PIK3C2B: variants seen among roughly 807,000 people sequenced by gnomAD.
The protein encoded by PIK3C2B is phosphatidylinositol 4-phosphate 3-kinase C2 domain-containing subunit beta.
Under a neutral mutation model 184.3 loss-of-function variants are expected in PIK3C2B, and 83 were observed. The ratio of observed to expected loss-of-function variants is 0.45; its 90% CI spans 0.38 to 0.54. The LOEUF is 0.54. Among genes scored for constraint, PIK3C2B ranks in the 20% least tolerant of loss-of-function variants. PIK3C2B has a pLI of 0.00. For missense variants in PIK3C2B, 1,736 were observed against 2,113.5 expected, an observed-to-expected ratio of 0.82 and a Z score of 3.50; for synonymous variants, 779 against 837.6, an observed-to-expected ratio of 0.93 and a Z score of 1.21.
intron 1 of PIK3C2B, among the ~76,000 whole-genome samples, chr1:204,488,413 CCTAT>C (rs1354626020): frequency 1.3e-5 from 2 of 152,170 alleles, no homozygotes; most frequent in African/African-American, 4.8e-5. Flanking sequence ...CAAGTAATTC[CCTAT>C]CTATCAGTAT....
At chr1:204,432,124 T>G in intron 27 of PIK3C2B, 76 bp downstream of exon 27, 1 of 1,330,328 alleles carries the variant, frequency 7.5e-7, no homozygotes, top group Non-Finnish European at 1.1e-6. Context: ...TGTGCAAGTG[T>G]GGAAAAAGTC....
rs773156945 is a variant in PIK3C2B, at chr1:204,465,311, G to A, written c.942C>T (p.Ser314=). The A allele has an allele frequency of 4.5e-5, 73 of 1,610,122 alleles. No homozygotes were observed. The highest frequency in any genetic ancestry group is 6.0e-5 in the Non-Finnish European group (71 of 1,176,500). The change falls in exon 3 of 33, where the codon TCC becomes TCT. Residue 314 remains serine (S), a synonymous_variant. Coordinates refer to ENST00000684373, the MANE Select transcript of PIK3C2B (RefSeq NM_001377334.1). The part of the protein sequence containing the change: ...NRRISAAPVG[S]RPHTVANGHE... ...GGCCATTGGCAACAGTGTGGGGCCGGGAGCCCACCTTTAAGAGAAGAGCAG... is the reference window on the plus strand; with the variant it reads ...GGCCATTGGCAACAGTGTGGGGCCGAGAGCCCACCTTTAAGAGAAGAGCAG...
Position 204,447,270 on chromosome 1 carries a change from T to C in PIK3C2B, c.2489+166A>G, listed in dbSNP as rs964569838. On this transcript the variant is annotated intron_variant, in intron 15 of 32. Coordinates refer to ENST00000684373, the MANE Select transcript of PIK3C2B (RefSeq NM_001377334.1). This position sits in a 1 kb window ranked among gnomAD's most constrained non-coding sequence, Gnocchi z 4.1. ...ATTTCCTGACCTTGACCTCTCCACT[T>C]TTCCTAGTGTCAGCTGATGGAGAAA... Among the ~76,000 whole-genome samples, 2 of 152,230 alleles carry C rather than the reference T, an allele frequency of 1.3e-5. No individual in the cohort carries two copies. Among genetic ancestry groups the C allele is most frequent in the East Asian group, 3.9e-4 (2 of 5,174 alleles).
chr1:204,455,293 C>T (rs990354713), intron 11 of PIK3C2B, among the ~76,000 whole-genome samples: 3 of 137,920 alleles, frequency 2.2e-5, no homozygotes, highest in Admixed American at 7.5e-5. Context: ...CAGAGGAATA[C>T]ATTAAGTAAG....
chr1:204,467,512 A>G (rs2999482), intron 2 of PIK3C2B, among the ~76,000 whole-genome samples: 141,512 of 152,190 alleles, frequency 0.93, 66,167 homozygotes, highest in Non-Finnish European at 0.99. Flanking sequence ...AAACCAGGAC[A>G]GAATGAAGTA....
intron 31 of PIK3C2B, among the ~76,000 whole-genome samples, chr1:204,427,047 A>T (rs1022274575): frequency 2.6e-5 from 4 of 152,104 alleles, no homozygotes; most frequent in Middle Eastern, 3.2e-3. Flanking sequence ...TGAGGCAGGA[A>T]AATCGCTTGA....
At chr1:204,468,810 G>A (rs1024160519) in intron 2 of PIK3C2B, 60 bp downstream of exon 2, 13 of 1,404,170 alleles carry the variant, frequency 9.3e-6, no homozygotes, top group Non-Finnish European at 1.3e-5. Flanking sequence ...GCAGAGACTA[G>A]TCCCTGTTTC....
At chr1:204,491,231 T>C (rs959387231) in intron 1 of PIK3C2B, among the ~76,000 whole-genome samples, 7 of 151,264 alleles carry the variant, frequency 4.6e-5, no homozygotes, top group African/African-American at 1.5e-4. Flanking sequence ...CTACTAAAAA[T>C]ACAAAAAATT....
chr1:204,466,617 G>GGA (rs965111109), intron 2 of PIK3C2B, among the ~76,000 whole-genome samples: 3 of 152,070 alleles, frequency 2.0e-5, no homozygotes, highest in African/African-American at 7.2e-5. Context: ...ACAAGAGAAA[G>GGA]GAGAGAGAGA....
chr1:204,457,601 A>G lies in PIK3C2B; in HGVS notation c.1713+127T>C, dbSNP rs1654978334. ...CTTGCGGTTGAATTCCTTAAACATA[A>G]AAGATGGAGGTGGAGAGAAGCCCCT... is the stretch of plus-strand genomic sequence containing the variant. On this transcript the variant is annotated intron_variant, in intron 9 of 32. Transcript: ENST00000684373. 4.7e-6 allele frequency: 4 copies of G among 859,412 alleles called. No individual in the cohort carries two copies. In the South Asian group the frequency reaches 6.5e-5, roughly 14 times the overall value. 53.2% of individuals were successfully genotyped at this position (859,412 alleles called of 1,614,324 possible). A position where few individuals can be genotyped will look rare whatever the true frequency, so the allele number is the denominator to read the frequency against.
Position 204,437,197 on chromosome 1 carries a change from T to TA in PIK3C2B, c.3516+1737dup, listed in dbSNP as rs555162359. 3.5e-3 allele frequency among the ~76,000 whole-genome samples: 510 copies of TA among 144,708 alleles called. 6 individuals carry two copies. The highest frequency in any genetic ancestry group is 0.011 in the African/African-American group (441 of 39,512). 94.9% of individuals were successfully genotyped at this position (144,708 alleles called of 152,430 possible). On this transcript the variant is annotated intron_variant, in intron 23 of 32. Transcript: ENST00000684373. ...AGGCTTTGAAGAACTTATCCACACT[T>TA]AAAAAAAAAAACAACAGCTGGGCAC...
intron 19 of PIK3C2B, among the ~76,000 whole-genome samples, 187 bp downstream of exon 19, chr1:204,443,230 A>C (rs1474610045): frequency 6.6e-6 from 1 of 152,246 alleles, no homozygotes; most frequent in Non-Finnish European, 1.5e-5. Flanking sequence ...AGGACAAACA[A>C]AACACATCCA....
Position 204,494,796 on chromosome 1 carries a change from C to G in PIK3C2B, c.-525G>C, listed in dbSNP as rs899542372. ...ACCCGGCCGCCGGCTCCAGCCGCAG[C>G]GCCGAATCCGCCGCGAGCCGGAGGG... On this transcript the variant is annotated 5_prime_UTR_variant, in exon 1 of 33. Transcript: ENST00000684373. 6.6e-6 allele frequency: 1 copy of G among 152,178 alleles called. No individual in the cohort carries two copies. Among genetic ancestry groups the G allele is most frequent in the South Asian group, 2.1e-4 (1 of 4,826 alleles). The allele number at this position is 152,178 out of a possible 1,614,324, so 9.4% of individuals were successfully genotyped here.
chr1:204,491,481 C>T (rs1658003033), intron 1 of PIK3C2B, among the ~76,000 whole-genome samples: 1 of 151,412 alleles, frequency 6.6e-6, no homozygotes. Flanking sequence ...TCCTTTGAGG[C>T]CAGGAGTTTG....
At position 204,455,895 on chromosome 1, in the gene PIK3C2B, A is replaced by G. The variant is rs1225583942; in HGVS notation, c.1904T>C (p.Val635Ala). The stretch of plus-strand genomic sequence containing the variant: ...GATGGGGATGCGGTGGGTGGCATAG[A>G]CAGTGAAGGCCAGGGACCTGGCGAA... ...CHFARSLAFTVYATHRIPIIW... is the reference protein window; with the variant it reads ...CHFARSLAFTAYATHRIPIIW... Residue 635 changes from valine to alanine, a missense_variant, in exon 11 of 33, where the codon GTC (valine) becomes GCC (alanine). Val to Ala is a moderately conservative substitution (Grantham distance 64). Transcript: ENST00000684373. 1.9e-6 allele frequency: 3 copies of G among 1,613,954 alleles called. No individual in the cohort carries two copies. The highest frequency in any genetic ancestry group is 4.5e-5 in the East Asian group (2 of 44,868).
intron 1 of PIK3C2B, chr1:204,489,769 A>C (rs1180693050): frequency 2.5e-6 from 1 of 395,916 alleles, no homozygotes; most frequent in Non-Finnish European, 4.4e-6. Flanking sequence ...CATTACTACT[A>C]TCTGGGCTTT....
chr1:204,459,823 A>AG, intron 8 of PIK3C2B, 55 bp downstream of exon 8: 2 of 1,418,472 alleles, frequency 1.4e-6, no homozygotes, highest in South Asian at 2.3e-5. Flanking sequence ...AGGACTGAGG[A>AG]AGGGGAGAGG....
At chr1:204,493,524 A>AACACACACACAC (rs3038310) in intron 1 of PIK3C2B, among the ~76,000 whole-genome samples, 3,296 of 143,940 alleles carry the variant, frequency 0.023, 48 homozygotes, top group African/African-American at 0.036. Flanking sequence ...AATGGCAGAA[A>AACACACACACAC]ACACACACAC....
intron 1 of PIK3C2B, among the ~76,000 whole-genome samples, chr1:204,470,457 C>T (rs1656221242): frequency 6.6e-6 from 1 of 152,156 alleles, no homozygotes; most frequent in Non-Finnish European, 1.5e-5. Flanking sequence ...CGTGAGCTAC[C>T]ACGCCCAGCC....
Sources: allele counts gnomAD v4.1 joint callset (sites outside exome capture counted in the v4.1 genomes callset), GRCh38; gene constraint gnomAD v4.1.1; non-coding constraint Gnocchi (gnomAD v3.1); transcripts MANE v1.5; gene names NCBI Gene and HGNC (gene_info 2026-07-23, HGNC 2026-07-21).